The following TLK2 variants were observed in gnomAD, a reference collection of about 807,000 sequenced individuals.
TLK2 encodes tousled like kinase 2.
In TLK2, 6 loss-of-function variants were observed where a neutral mutation model predicts 117.3. That is an observed-to-expected ratio of 0.05 (90% confidence interval 0.03 to 0.10). The LOEUF is 0.10. TLK2 is among the 10% of genes least tolerant of loss of function. TLK2 has a pLI of 1.00. For missense variants in TLK2, 299 were observed against 901.2 expected, an observed-to-expected ratio of 0.33 and a Z score of 8.56; for synonymous variants, 257 against 316.7, an observed-to-expected ratio of 0.81 and a Z score of 2.00.
intron 6 of TLK2, among the ~76,000 whole-genome samples, chr17:62,529,989 G>A (rs1443977220): frequency 6.6e-6 from 1 of 152,072 alleles, no homozygotes; most frequent in Admixed American, 6.6e-5. Flanking sequence ...GATTACTCGA[G>A]CTCAGGAGTT....
chr17:62,552,561 C>T (rs2078550910), intron 8 of TLK2, among the ~76,000 whole-genome samples, 164 bp downstream of exon 8: 1 of 151,912 alleles, frequency 6.6e-6, no homozygotes, highest in Non-Finnish European at 1.5e-5. Flanking sequence ...ATTTAAAGTC[C>T]TTTGGAAGGT....
intron 2 of TLK2, among the ~76,000 whole-genome samples, chr17:62,489,343 G>A (rs942385770): frequency 4.0e-5 from 6 of 151,860 alleles, no homozygotes; most frequent in Middle Eastern, 3.2e-3. Context: ...TGGGACTAAA[G>A]GCACGTGCCA....
chr17:62,603,448 T>C (rs2083023769), intron 19 of TLK2, among the ~76,000 whole-genome samples: 1 of 152,222 alleles, frequency 6.6e-6, no homozygotes, highest in Non-Finnish European at 1.5e-5. Flanking sequence ...AAATATCTGC[T>C]GCTGGAAATT....
chr17:62,512,587 C>G (rs1355806056), intron 2 of TLK2, among the ~76,000 whole-genome samples: 2 of 152,044 alleles, frequency 1.3e-5, no homozygotes, highest in Non-Finnish European at 2.9e-5. Context: ...ATAGTCTAAT[C>G]TCAAGTTCCT....
chr17:62,526,382 CT>C (rs1334857885), intron 6 of TLK2, among the ~76,000 whole-genome samples: 1 of 152,162 alleles, frequency 6.6e-6, no homozygotes, highest in African/African-American at 2.4e-5. Flanking sequence ...TCCAGCAATT[CT>C]TCTGCTAACT....
At chr17:62,604,706 C>T (rs965560071) in intron 19 of TLK2, among the ~76,000 whole-genome samples, 1 of 151,074 alleles carries the variant, frequency 6.6e-6, no homozygotes, top group Non-Finnish European at 1.5e-5. Flanking sequence ...GTCAAGAGAT[C>T]GAGACCATCC....
chr17:62,586,001 C>G (rs2081579920), intron 15 of TLK2, 134 bp from the exon 16 acceptor site: 1 of 607,630 alleles, frequency 1.6e-6, no homozygotes, highest in Non-Finnish European at 2.8e-6. Context: ...GCTTGCAACA[C>G]TGATATAAGT....
In TLK2 at chr17:62,556,987, C is replaced by T. The variant is rs188961306; in HGVS notation, c.721-3029C>T. Among the ~76,000 whole-genome samples, 393 of 152,326 alleles carry T rather than the reference C, an allele frequency of 2.6e-3. 2 individuals carry two copies. Among genetic ancestry groups the T allele is most frequent in the African/African-American group, 8.9e-3 (372 of 41,574 alleles). On this transcript the variant is annotated intron_variant, in intron 9 of 21. Coordinates refer to ENST00000346027, the MANE Select transcript of TLK2 (RefSeq NM_006852.6). ...GTTGCCCAGGCTGGGTGCAGTGGCA[C>T]CGTCATGGCTCACTGCAGCCTTCAT...
intron 16 of TLK2, among the ~76,000 whole-genome samples, chr17:62,594,395 G>A (rs1051967419): frequency 3.3e-5 from 5 of 152,052 alleles, no homozygotes; most frequent in Non-Finnish European, 5.9e-5. Context: ...GCAACAGAGC[G>A]AGACTCCATC....
intron 15 of TLK2, among the ~76,000 whole-genome samples, 161 bp downstream of exon 15, chr17:62,580,353 C>T (rs1441228862): frequency 6.6e-6 from 1 of 151,926 alleles, no homozygotes; most frequent in Non-Finnish European, 1.5e-5. Context: ...TTCAATAAAC[C>T]TAAGTGACCA....
At chr17:62,605,076 C>G (rs920421519) in intron 19 of TLK2, among the ~76,000 whole-genome samples, 2 of 151,788 alleles carry the variant, frequency 1.3e-5, no homozygotes, top group African/African-American at 4.8e-5. Flanking sequence ...GCCTGTAATC[C>G]CAGCACTTTG....
chr17:62,525,590 AG>A (rs1413170246), intron 6 of TLK2, among the ~76,000 whole-genome samples: 2 of 151,978 alleles, frequency 1.3e-5, no homozygotes, highest in Admixed American at 1.3e-4. Flanking sequence ...CTCGTAGTAC[AG>A]GCATGTACCA....
chr17:62,550,393 A>C (rs2078359907), intron 7 of TLK2: 1 of 152,190 alleles, frequency 6.6e-6, no homozygotes, highest in African/African-American at 2.4e-5. Flanking sequence ...TTATTATATG[A>C]TTGTTTATTC....
intron 1 of TLK2, among the ~76,000 whole-genome samples, chr17:62,471,334 C>T (rs550837165): frequency 6.6e-6 from 1 of 152,216 alleles, no homozygotes; most frequent in Non-Finnish European, 1.5e-5. Flanking sequence ...GACTGTAGAC[C>T]GAATGATTGA....
At chr17:62,487,685 A>G (rs1157570083) in intron 2 of TLK2, among the ~76,000 whole-genome samples, 2 of 123,468 alleles carry the variant, frequency 1.6e-5, no homozygotes, top group Admixed American at 1.0e-4. Flanking sequence ...GTGCAATGGC[A>G]TGATCTCGGC....
intron 2 of TLK2, among the ~76,000 whole-genome samples, chr17:62,486,013 G>C (rs1215575183): frequency 4.0e-5 from 6 of 151,798 alleles, no homozygotes; most frequent in African/African-American, 1.5e-4. Flanking sequence ...GTAGAGACGG[G>C]GTTTCACCGT....
Position 62,581,438 on chromosome 17 carries a change from C to CTT in TLK2, c.1368+1262_1368+1263dup, listed in dbSNP as rs11334252. ...TCTACTGGTTTTGATATTCTAGTAT[C>CTT]TTTTTTTTTTTTTTTTTGGAGACAT... On this transcript the variant is annotated intron_variant, in intron 15 of 21. Transcript: ENST00000346027. Among the ~76,000 whole-genome samples, 703 of 121,280 alleles carry CTT rather than the reference C, an allele frequency of 5.8e-3. 5 individuals are homozygous for CTT. The highest frequency in any genetic ancestry group is 8.5e-3 in the Non-Finnish European group (485 of 57,312). The allele number at this position is 121,280 out of a possible 152,430, so 79.6% of individuals were successfully genotyped here.
intron 10 of TLK2, 100 bp downstream of exon 10, chr17:62,560,226 G>A (rs2079156323): frequency 1.1e-6 from 1 of 880,798 alleles, no homozygotes; most frequent in Non-Finnish European, 1.6e-6. Flanking sequence ...ATATTTAAAA[G>A]TAGAGCTTTT....
At chr17:62,558,915 C>T (rs186025508) in intron 9 of TLK2, among the ~76,000 whole-genome samples, 5 of 152,252 alleles carry the variant, frequency 3.3e-5, no homozygotes, top group Admixed American at 2.0e-4. Context: ...CTGTTTGTGC[C>T]TTTTAGTATT....
Sources: allele counts gnomAD v4.1 joint callset (sites outside exome capture counted in the v4.1 genomes callset), GRCh38; gene constraint gnomAD v4.1.1; transcripts MANE v1.5; gene names NCBI Gene and HGNC (gene_info 2026-07-23, HGNC 2026-07-21).